The following ASIC2 variants were observed in gnomAD, a reference collection of about 807,000 sequenced individuals.
The protein encoded by ASIC2 is acid-sensing ion channel 2.
A neutral mutation model predicts 57.3 loss-of-function variants in ASIC2; 25 were observed. The observed-to-expected ratio is 0.44, with a 90% CI of 0.32 to 0.61. The LOEUF (loss-of-function observed/expected upper bound fraction) is 0.61, where lower values mean the gene tolerates loss of function less well. ASIC2 is among the 20% of genes least tolerant of loss of function. The pLI is 0.06. For synonymous variants in ASIC2, 319 were observed against 307.5 expected, an observed-to-expected ratio of 1.04 and a Z score of -0.39; for missense variants, 641 against 738.1, an observed-to-expected ratio of 0.87 and a Z score of 1.52.
intron 1 of ASIC2, among the ~76,000 whole-genome samples, chr17:33,119,599 T>C (rs1484174279): frequency 4.6e-5 from 7 of 152,240 alleles, no homozygotes; most frequent in Non-Finnish European, 8.8e-5. Context: ...GTTAGCTCTT[T>C]GAAGGTAAAG....
At chr17:34,039,589 C>G (rs952258326) in intron 1 of ASIC2, 2 of 1,613,808 alleles carry the variant, frequency 1.2e-6, no homozygotes, top group African/African-American at 2.7e-5. Context: ...GGTTCCCGGC[C>G]CGCTTCCCCC....
chr17:33,451,237 A>G (rs1391121164), intron 1 of ASIC2, among the ~76,000 whole-genome samples: 1 of 151,874 alleles, frequency 6.6e-6, no homozygotes, highest in Non-Finnish European at 1.5e-5. Context: ...TTGTATTTTT[A>G]CAAAGTTTTG....
intron 1 of ASIC2, among the ~76,000 whole-genome samples, chr17:33,521,392 G>C (rs1277310354): frequency 1.3e-5 from 2 of 152,204 alleles, no homozygotes; most frequent in African/African-American, 4.8e-5. Context: ...TATTCACTCT[G>C]AGTGTGGCAC....
chr17:33,843,046 G>C (rs537930330), intron 1 of ASIC2, among the ~76,000 whole-genome samples: 5 of 152,156 alleles, frequency 3.3e-5, no homozygotes, highest in Admixed American at 6.5e-5. Flanking sequence ...AAAAACAAAC[G>C]GGCCCTCAGT....
chr17:33,019,268 C>T (rs541270554), intron 7 of ASIC2, among the ~76,000 whole-genome samples: 25 of 151,976 alleles, frequency 1.6e-4, no homozygotes, highest in Admixed American at 1.4e-3. Context: ...GGTGGCTCTC[C>T]CTGTCTAGGC....
intron 1 of ASIC2, among the ~76,000 whole-genome samples, chr17:33,414,212 T>C (rs1910759003): frequency 6.6e-6 from 1 of 152,000 alleles, no homozygotes; most frequent in Non-Finnish European, 1.5e-5. Flanking sequence ...GAAAAGGAGC[T>C]AGTCAGGAGG....
chr17:33,688,607 G>T (rs1908268677), intron 1 of ASIC2, among the ~76,000 whole-genome samples: 1 of 152,138 alleles, frequency 6.6e-6, no homozygotes, highest in Admixed American at 6.5e-5. Flanking sequence ...TTACTTACCT[G>T]ATAATAAAAT....
At chr17:33,236,220 G>A (rs1908292018) in intron 1 of ASIC2, among the ~76,000 whole-genome samples, 2 of 152,180 alleles carry the variant, frequency 1.3e-5, no homozygotes, top group South Asian at 4.1e-4. Flanking sequence ...TTGCATGAAG[G>A]AAGGATGTGA....
intron 2 of ASIC2, 142 bp from the exon 3 acceptor site, chr17:33,089,132 C>T (rs2092147839): frequency 1.8e-6 from 2 of 1,139,502 alleles, no homozygotes; most frequent in Non-Finnish European, 2.4e-6. Context: ...ACATCCCCAC[C>T]TCCAGAAACT....
In ASIC2 at chr17:33,429,491, C is replaced by T. The variant is rs1480139438; in HGVS notation, c.556-317424G>A. Among the ~76,000 whole-genome samples the T allele has an allele frequency of 4.6e-5, 7 of 151,940 alleles. No homozygotes were observed. The South Asian group carries it at 6.2e-4, about 14-fold the overall frequency. On this transcript the variant is annotated intron_variant, in intron 1 of 9. Coordinates refer to the ASIC2 transcript ENST00000359872. ...CTGCAAGCTCCATCTCCTGGGTTCA[C>T]GCCATTCTCCTGCCTCAGCCTCCCG...
At chr17:33,814,718 G>T (rs1054734126) in intron 1 of ASIC2, among the ~76,000 whole-genome samples, 1 of 152,244 alleles carries the variant, frequency 6.6e-6, no homozygotes, top group Admixed American at 6.5e-5. Context: ...TGGCACATAT[G>T]TGCAGGTGTG....
At chr17:33,095,772 T>G (rs1420595096) in intron 2 of ASIC2, among the ~76,000 whole-genome samples, 2 of 152,370 alleles carry the variant, frequency 1.3e-5, no homozygotes, top group East Asian at 3.9e-4. Flanking sequence ...GGGCCGTGGT[T>G]GGCATTCTTG....
chr17:33,389,555 G>A (rs762504101), intron 1 of ASIC2, among the ~76,000 whole-genome samples: 2 of 152,172 alleles, frequency 1.3e-5, no homozygotes, highest in Admixed American at 6.5e-5. Context: ...AAGACAACAT[G>A]AAAAAACTAT....
intron 1 of ASIC2, among the ~76,000 whole-genome samples, chr17:34,059,813 G>T (rs1379531225): frequency 2.0e-5 from 3 of 152,042 alleles, no homozygotes; most frequent in African/African-American, 7.2e-5. Flanking sequence ...AATCTCACCC[G>T]CATCCCCCAC....
chr17:33,296,102 T>C (rs1905711515), upstream of ASIC2, among the ~76,000 whole-genome samples: 2 of 152,190 alleles, frequency 1.3e-5, no homozygotes, highest in South Asian at 4.1e-4. Context: ...AATTATATTA[T>C]TATGATAATA....
chr17:33,295,259 G>A (rs73285927), upstream of ASIC2, among the ~76,000 whole-genome samples: 3,555 of 152,310 alleles, frequency 0.023, 130 homozygotes, highest in African/African-American at 0.081. Context: ...AGCTCTTTCA[G>A]GGAGAGGAGG....
At chr17:34,071,299 TGGCTCTTGGTG>T (rs1909390154) in intron 1 of ASIC2, 1 of 152,210 alleles carries the variant, frequency 6.6e-6, no homozygotes, top group Admixed American at 6.5e-5. Flanking sequence ...GGCATGTCAC[TGGCTCTTGGTG>T]GGCCTCATCC....
At chr17:33,757,658 C>T (rs981489210) in intron 1 of ASIC2, among the ~76,000 whole-genome samples, 6 of 152,202 alleles carry the variant, frequency 3.9e-5, no homozygotes, top group African/African-American at 1.2e-4. Flanking sequence ...TTATAGAAAA[C>T]AGGAGTATAC....
At chr17:33,345,261 G>A (rs934843598) in intron 1 of ASIC2, among the ~76,000 whole-genome samples, 1 of 152,136 alleles carries the variant, frequency 6.6e-6, no homozygotes, top group African/African-American at 2.4e-5. Context: ...ATTCTTTGGT[G>A]CATTTCTCCA....
Sources: allele counts gnomAD v4.1 joint callset (sites outside exome capture counted in the v4.1 genomes callset), GRCh38; gene constraint gnomAD v4.1.1; transcripts MANE v1.5; gene names NCBI Gene and HGNC (gene_info 2026-07-23, HGNC 2026-07-21).